IMMP2L: variants seen among roughly 807,000 people sequenced by gnomAD.
IMMP2L encodes inner mitochondrial membrane peptidase subunit 2, also known as mitochondrial inner membrane protease subunit 2.
In IMMP2L, 18 loss-of-function variants were observed where a neutral mutation model predicts 19.3. The ratio of observed to expected loss-of-function variants is 0.93; its 90% CI spans 0.64 to 1.38. IMMP2L has a LOEUF of 1.38. Ranked by LOEUF, IMMP2L falls within the 40% of genes most tolerant of loss-of-function variation. IMMP2L has a pLI of 0.00. For missense variants in IMMP2L, 233 were observed against 218.2 expected (o/e 1.07, Z -0.43); for synonymous variants, 76 against 73.0 (o/e 1.04, Z -0.21).
intron 3 of IMMP2L, among the ~76,000 whole-genome samples, chr7:111,149,263 T>C (rs564617791): frequency 2.9e-4 from 44 of 152,250 alleles, no homozygotes; most frequent in Admixed American, 7.2e-4. Context: ...TCTGAAACTG[T>C]TGAGTGACTC....
At chr7:111,069,500 T>C (rs933341053) in intron 3 of IMMP2L, among the ~76,000 whole-genome samples, 1 of 152,192 alleles carries the variant, frequency 6.6e-6, no homozygotes, top group African/African-American at 2.4e-5. Context: ...TAAAACGTTC[T>C]GTTTCTAGGT....
Position 110,911,757 on chromosome 7 carries a change from T to G in IMMP2L, c.306-25062A>C, listed in dbSNP as rs183011287. Reference sequence around the variant, plus strand: ...ATATTTTCTCTAGCTTTACCCATATTTATCAAGGAAGAAAGAGACAACTAT... The same window carrying G: ...ATATTTTCTCTAGCTTTACCCATATGTATCAAGGAAGAAAGAGACAACTAT... On this transcript the variant is annotated intron_variant, in intron 4 of 5. Transcript: ENST00000405709. Among the ~76,000 whole-genome samples, 332 of 152,274 alleles carry G rather than the reference T, an allele frequency of 2.2e-3. 2 individuals are homozygous for G. Among genetic ancestry groups the G allele is most frequent in the African/African-American group, 7.7e-3 (322 of 41,586 alleles).
chr7:111,237,952 C>CA (rs1207879734), intron 3 of IMMP2L, among the ~76,000 whole-genome samples: 1 of 152,034 alleles, frequency 6.6e-6, no homozygotes, highest in Non-Finnish European at 1.5e-5. Flanking sequence ...AAAGAATGCA[C>CA]AAAGAGCACC....
At chr7:111,055,691 C>T (rs777352369) in intron 3 of IMMP2L, among the ~76,000 whole-genome samples, 1 of 152,124 alleles carries the variant, frequency 6.6e-6, no homozygotes, top group Non-Finnish European at 1.5e-5. Context: ...TATATAATGA[C>T]AACTGACTGA....
intron 3 of IMMP2L, among the ~76,000 whole-genome samples, chr7:110,967,648 C>T (rs1051191464): frequency 2.6e-5 from 4 of 151,928 alleles, no homozygotes; most frequent in African/African-American, 9.7e-5. Flanking sequence ...TCCCAAGAGG[C>T]CTAAATCTAA....
intron 5 of IMMP2L, among the ~76,000 whole-genome samples, chr7:110,764,691 A>G (rs1798554349): frequency 6.6e-6 from 1 of 152,234 alleles, no homozygotes; most frequent in African/African-American, 2.4e-5. Context: ...GAATATGTCA[A>G]TGAAAGAGAA....
Position 111,242,182 on chromosome 7 carries a change from C to T in IMMP2L, c.239+245056G>A, listed in dbSNP as rs551875540. ...ATATGCTTTAGGAAAATAGAGATAG[C>T]AAAAACAAAGCAGAACAAGGACAGG... On this transcript the variant is annotated intron_variant, in intron 3 of 5. Coordinates refer to ENST00000405709, the MANE Select transcript of IMMP2L (RefSeq NM_032549.4). 5.9e-4 allele frequency among the ~76,000 whole-genome samples: 89 copies of T among 152,042 alleles called. 2 individuals carry two copies. The South Asian group carries it at 0.017, about 29-fold the overall frequency.
At chr7:111,204,308 T>A (rs1050856453) in intron 3 of IMMP2L, among the ~76,000 whole-genome samples, 6 of 152,046 alleles carry the variant, frequency 3.9e-5, no homozygotes, top group African/African-American at 1.4e-4. Flanking sequence ...TAAAAGTAAA[T>A]TACAATATGA....
chr7:110,946,849 T>G (rs1359858976), intron 4 of IMMP2L, among the ~76,000 whole-genome samples: 3 of 150,270 alleles, frequency 2.0e-5, no homozygotes, highest in African/African-American at 7.4e-5. Context: ...GCCTCCCGAG[T>G]AGCTGGGACT....
intron 3 of IMMP2L, among the ~76,000 whole-genome samples, chr7:111,194,014 G>A (rs1809189427): frequency 6.6e-6 from 1 of 152,018 alleles, no homozygotes; most frequent in African/African-American, 2.4e-5. Context: ...TATTCCAGAG[G>A]CCAAACTACT....
intron 3 of IMMP2L, among the ~76,000 whole-genome samples, chr7:111,344,229 GC>G (rs1216837434): frequency 6.6e-6 from 1 of 152,006 alleles, no homozygotes; most frequent in African/African-American, 2.4e-5. Context: ...ACCTCCACCA[GC>G]TTTGTCCTAG....
intron 5 of IMMP2L, among the ~76,000 whole-genome samples, chr7:110,689,190 C>A (rs1394877962): frequency 6.6e-6 from 1 of 152,138 alleles, no homozygotes; most frequent in Non-Finnish European, 1.5e-5. Context: ...AGCTTGCAAA[C>A]AATGGCTTCA....
At chr7:110,715,344 G>T (rs1042009740) in intron 5 of IMMP2L, among the ~76,000 whole-genome samples, 7 of 151,976 alleles carry the variant, frequency 4.6e-5, no homozygotes, top group Non-Finnish European at 1.0e-4. Context: ...TCTAGTTCCT[G>T]TAGGTGTGAT....
intron 5 of IMMP2L, among the ~76,000 whole-genome samples, chr7:110,881,919 C>T (rs1809679295): frequency 6.6e-6 from 1 of 152,140 alleles, no homozygotes; most frequent in Non-Finnish European, 1.5e-5. Flanking sequence ...TCTGTTCTAC[C>T]AAATCCTCCT....
At chr7:111,548,108 GT>G (rs1309115672) in intron 1 of IMMP2L, among the ~76,000 whole-genome samples, 1 of 152,020 alleles carries the variant, frequency 6.6e-6, no homozygotes, top group African/African-American at 2.4e-5. Context: ...TTTAGCCTGG[GT>G]AGTGAGAAAC....
chr7:110,825,237 A>G (rs1371445237), intron 5 of IMMP2L, among the ~76,000 whole-genome samples: 4 of 152,178 alleles, frequency 2.6e-5, no homozygotes, highest in African/African-American at 4.8e-5. Flanking sequence ...GGAAGAATCA[A>G]TATCGTGAAA....
At chr7:111,071,930 T>C (rs894512503) in intron 3 of IMMP2L, among the ~76,000 whole-genome samples, 1 of 152,202 alleles carries the variant, frequency 6.6e-6, no homozygotes, top group Non-Finnish European at 1.5e-5. Flanking sequence ...ATACAAATTT[T>C]CATAAAGTTC....
chr7:111,112,435 G>C (rs1028496100), intron 3 of IMMP2L, among the ~76,000 whole-genome samples: 1 of 152,078 alleles, frequency 6.6e-6, no homozygotes, highest in African/African-American at 2.4e-5. Flanking sequence ...CGAGTGTTAG[G>C]GAAAGAGCTC....
chr7:110,988,540 A>G (rs916064496), intron 3 of IMMP2L, among the ~76,000 whole-genome samples: 4 of 152,204 alleles, frequency 2.6e-5, no homozygotes, highest in African/African-American at 9.7e-5. Context: ...ACTCTAGTAA[A>G]TGGATAGCAA....
Sources: gnomAD v4.1 joint callset for allele counts (sites outside exome capture counted in the v4.1 genomes callset) on GRCh38, gnomAD v4.1.1 for gene constraint, MANE v1.5 for transcripts, NCBI Gene and HGNC (gene_info 2026-07-23, HGNC 2026-07-21) for gene names.